The following PTPRM variants were observed in gnomAD, a reference collection of about 807,000 sequenced individuals.
PTPRM encodes protein tyrosine phosphatase receptor type M.
In PTPRM, 47 loss-of-function variants were observed where a neutral mutation model predicts 186.7. The ratio of observed to expected loss-of-function variants is 0.25; its 90% CI spans 0.20 to 0.32. The LOEUF is 0.32. PTPRM is among the 10% of genes least tolerant of loss of function. The pLI, the probability that PTPRM is intolerant of heterozygous loss-of-function variation, is 1.00. For missense variants in PTPRM, 1,494 were observed against 1,865.0 expected (o/e 0.80, Z 3.66); for synonymous variants, 668 against 674.9 (o/e 0.99, Z 0.16).
At chr18:8,036,551 G>T (rs2086343048) in intron 7 of PTPRM, among the ~76,000 whole-genome samples, 1 of 152,200 alleles carries the variant, frequency 6.6e-6, no homozygotes, top group African/African-American at 2.4e-5. Context: ...GTTCCCAAGT[G>T]ACTATTATTT....
intron 14 of PTPRM, among the ~76,000 whole-genome samples, chr18:8,231,378 G>A (rs532307189): frequency 1.9e-4 from 29 of 152,232 alleles, no homozygotes; most frequent in African/African-American, 4.8e-4. Flanking sequence ...GTTTCAGAGC[G>A]GGAAACTGGA....
chr18:8,170,025 A>C (rs1419449455), intron 14 of PTPRM, among the ~76,000 whole-genome samples: 1 of 152,208 alleles, frequency 6.6e-6, no homozygotes, highest in African/African-American at 2.4e-5. Flanking sequence ...AGATGAAAAA[A>C]CAGAAACCCA....
intron 17 of PTPRM, among the ~76,000 whole-genome samples, chr18:8,250,789 CA>C (rs112146808): frequency 2.1e-3 from 226 of 106,794 alleles, no homozygotes; most frequent in Admixed American, 3.0e-3. Context: ...ACCCTGTCTC[CA>C]AAAAAAAAAA....
At chr18:8,060,284 G>C (rs1382039285) in intron 7 of PTPRM, among the ~76,000 whole-genome samples, 13 of 115,816 alleles carry the variant, frequency 1.1e-4, no homozygotes, top group Non-Finnish European at 1.9e-4. Context: ...TTGTATTTCT[G>C]TGGGATTGGT....
intron 19 of PTPRM, among the ~76,000 whole-genome samples, chr18:8,285,155 A>G (rs2094942510): frequency 6.6e-6 from 1 of 152,234 alleles, no homozygotes; most frequent in African/African-American, 2.4e-5. Context: ...GGCACTTTAT[A>G]TATGCAAGCC....
At chr18:8,007,911 T>C (rs2084286168) in intron 7 of PTPRM, among the ~76,000 whole-genome samples, 1 of 152,230 alleles carries the variant, frequency 6.6e-6, no homozygotes, top group South Asian at 2.1e-4. Context: ...ATCGATCTTT[T>C]TTATTCATTG....
chr18:7,900,760 A>AT (rs1275791488), intron 3 of PTPRM, among the ~76,000 whole-genome samples: 1 of 152,248 alleles, frequency 6.6e-6, no homozygotes, highest in Non-Finnish European at 1.5e-5. Flanking sequence ...GGGAGCTAAT[A>AT]TGACCTACCT....
intron 23 of PTPRM, chr18:8,361,132 G>A (rs376195986): frequency 2.0e-4 from 31 of 152,268 alleles, no homozygotes; most frequent in African/African-American, 5.1e-4. Context: ...AGATTGACCC[G>A]TGTCTTTTGT....
intron 2 of PTPRM, among the ~76,000 whole-genome samples, chr18:7,859,904 A>C (rs573425206): frequency 6.6e-6 from 1 of 152,222 alleles, no homozygotes; most frequent in Admixed American, 6.5e-5. Flanking sequence ...AACCATTTAC[A>C]TGGAAGCCAG....
At chr18:7,746,532 C>T (rs2040990490) in intron 1 of PTPRM, among the ~76,000 whole-genome samples, 1 of 151,822 alleles carries the variant, frequency 6.6e-6, no homozygotes, top group Non-Finnish European at 1.5e-5. Context: ...GTGGTGCGAT[C>T]TTGGCTCACT....
intron 2 of PTPRM, among the ~76,000 whole-genome samples, chr18:7,869,983 C>T (rs2146169633): frequency 6.6e-6 from 1 of 152,264 alleles, no homozygotes; most frequent in Admixed American, 6.5e-5. Context: ...CTTATGAAAG[C>T]TCATGGTTCT....
intron 14 of PTPRM, among the ~76,000 whole-genome samples, chr18:8,174,893 C>T (rs1282177737): frequency 2.0e-5 from 3 of 152,244 alleles, no homozygotes; most frequent in Non-Finnish European, 2.9e-5. Flanking sequence ...GCATTTGTCT[C>T]TCTGACAGTC....
intron 1 of PTPRM, among the ~76,000 whole-genome samples, chr18:7,575,958 A>G (rs1231006911): frequency 6.6e-6 from 1 of 152,174 alleles, no homozygotes; most frequent in Non-Finnish European, 1.5e-5. Context: ...GGAGAATCTG[A>G]TTGAAGATGG....
intron 1 of PTPRM, among the ~76,000 whole-genome samples, chr18:7,575,580 T>C (rs1217239853): frequency 2.0e-5 from 3 of 152,222 alleles, no homozygotes; most frequent in Non-Finnish European, 2.9e-5. Flanking sequence ...TGCTGTGTCA[T>C]ATGTTGCTGC....
At chr18:7,856,562 G>C (rs1344328583) in intron 2 of PTPRM, among the ~76,000 whole-genome samples, 3 of 151,404 alleles carry the variant, frequency 2.0e-5, no homozygotes, top group African/African-American at 4.9e-5. Flanking sequence ...AACATAGTGA[G>C]ACCCTGTCTT....
At chr18:7,619,166 G>A (rs1224680412) in intron 1 of PTPRM, among the ~76,000 whole-genome samples, 1 of 152,146 alleles carries the variant, frequency 6.6e-6, no homozygotes, top group Non-Finnish European at 1.5e-5. Context: ...TTGGTGTTTA[G>A]GAAGTTGTGC....
intron 1 of PTPRM, among the ~76,000 whole-genome samples, chr18:7,607,950 C>T (rs2037575746): frequency 6.6e-6 from 1 of 152,200 alleles, no homozygotes; most frequent in Non-Finnish European, 1.5e-5. Flanking sequence ...TCCAGCCTTA[C>T]CAGCTGCCTG....
At chr18:8,110,819 C>T (rs949133077) in intron 11 of PTPRM, among the ~76,000 whole-genome samples, 1 of 152,122 alleles carries the variant, frequency 6.6e-6, no homozygotes, top group Non-Finnish European at 1.5e-5. Flanking sequence ...CTATAACTCC[C>T]TTGATGTGAT....
chr18:7,857,092 T>A (rs1555622056), intron 2 of PTPRM, among the ~76,000 whole-genome samples: 2 of 152,162 alleles, frequency 1.3e-5, no homozygotes, highest in Non-Finnish European at 2.9e-5. Flanking sequence ...ACTTCTTGAA[T>A]CCTGCAGAAT....
Sources: gnomAD v4.1 joint callset for allele counts (sites outside exome capture counted in the v4.1 genomes callset) on GRCh38, gnomAD v4.1.1 for gene constraint, MANE v1.5 for transcripts, NCBI Gene and HGNC (gene_info 2026-07-23, HGNC 2026-07-21) for gene names.